Variants in FLNC observed in about 807,000 individuals in gnomAD.
The protein encoded by FLNC is filamin-C.
Under a neutral mutation model 254.3 loss-of-function variants are expected in FLNC, and 91 were observed. That is an observed-to-expected ratio of 0.36 (90% CI 0.30 to 0.43). FLNC has a LOEUF of 0.43. FLNC is among the 20% of genes least tolerant of loss of function. The pLI is 1.00. For missense variants in FLNC, 2,853 were observed against 3,802.6 expected, an observed-to-expected ratio of 0.75 and a Z score of 6.57; for synonymous variants, 1,430 against 1,577.2, an observed-to-expected ratio of 0.91 and a Z score of 2.21.
At chr7:128,852,103 A>G (rs1219143224) in intron 35 of FLNC, among the ~76,000 whole-genome samples, 1 of 152,074 alleles carries the variant, frequency 6.6e-6, no homozygotes, top group Non-Finnish European at 1.5e-5. Context: ...TGACCTTGTG[A>G]TCCACCTGCC....
chr7:128,850,397 C>G lies in FLNC; in HGVS notation c.5312C>G (p.Pro1771Arg), dbSNP rs1298100212. 1 of 1,613,850 alleles carries G rather than the reference C, an allele frequency of 6.2e-7. No individual in the cohort carries two copies. The highest frequency in any genetic ancestry group is 8.5e-7 in the Non-Finnish European group (1 of 1,179,910). ...ARPTHWATEE[P>R]VVPVEPMESM... ...CACCTGCTGCAGGCCACAGAGGAGC[C>G]AGTGGTGCCTGTGGAGCCAATGGAG... The change falls in exon 32 of 48, where the codon CCA becomes CGA. Residue 1771 changes from proline to arginine, a missense_variant. Coordinates refer to ENST00000325888, the MANE Select transcript of FLNC (RefSeq NM_001458.5).
Position 128,836,832 on chromosome 7 carries a change from T to C in FLNC, c.602-328T>C, listed in dbSNP as rs1808110024. 6.6e-6 allele frequency among the ~76,000 whole-genome samples: 1 copy of C among 151,996 alleles called. No individual in the cohort carries two copies. Among genetic ancestry groups the C allele is most frequent in the Non-Finnish European group, 1.5e-5 (1 of 67,970 alleles). ...TGAGAAAGCTGAATGAGGCAAGAGATAGCGAGAGGGGGTACCCTCCCAGGG... is the reference window on the plus strand; with the variant it reads ...TGAGAAAGCTGAATGAGGCAAGAGACAGCGAGAGGGGGTACCCTCCCAGGG... On this transcript the variant is annotated intron_variant, in intron 2 of 47. Transcript: ENST00000325888. The surrounding 1 kb of genome is among the most constrained non-coding windows in gnomAD (Gnocchi z 6.0).
chr7:128,853,410 A>G (rs957813292), intron 37 of FLNC, 59 bp from the exon 38 acceptor site: 2 of 1,604,144 alleles, frequency 1.2e-6, no homozygotes, highest in Non-Finnish European at 1.7e-6. Flanking sequence ...GGGGAGAGGA[A>G]AGCATTGTGG....
rs771896404 is a variant in FLNC, at chr7:128,835,621, CAG to C, written c.601+50_601+51del. Reference sequence around the variant, plus strand: ...GCATGGAGCCCTTAGCTCCCAAAGACAGAGGGGACAAGCTGGGGCTGCCAAGG... The same window carrying C: ...GCATGGAGCCCTTAGCTCCCAAAGACAGGGGACAAGCTGGGGCTGCCAAGG... On this transcript the variant is annotated intron_variant, in intron 2 of 47. Coordinates refer to ENST00000325888, the MANE Select transcript of FLNC (RefSeq NM_001458.5). The surrounding 1 kb of genome is among the most constrained non-coding windows in gnomAD (Gnocchi z 5.3). 7.5e-6 allele frequency: 12 copies of C among 1,599,752 alleles called. No individual in the cohort carries two copies. The highest frequency in any genetic ancestry group is 9.4e-6 in the Non-Finnish European group (11 of 1,172,082).
chr7:128,841,560 A>G lies in FLNC; in HGVS notation c.2114A>G (p.Tyr705Cys). 6.2e-7 allele frequency: 1 copy of G among 1,612,120 alleles called. No individual in the cohort carries two copies. Among genetic ancestry groups the G allele is most frequent in the Non-Finnish European group, 8.5e-7 (1 of 1,178,182 alleles). The stretch of plus-strand genomic sequence containing the variant: ...GCTGGCAAGGGAGACCTGAAGCTCT[A>G]TGCCCAGGTAGGTCATTGTCCAGTC... The part of the protein sequence containing the change: ...RAAGKGDLKL[Y>C]AQDADGCPID... The change falls in exon 13 of 48, where the codon TAT becomes TGT. Residue 705 changes from tyrosine (Y) to cysteine (C), a missense_variant. Coordinates refer to ENST00000325888, the MANE Select transcript of FLNC (RefSeq NM_001458.5). This position sits in a 1 kb window ranked among gnomAD's most constrained non-coding sequence, Gnocchi z 4.3.
intron 16 of FLNC, 77 bp from the exon 17 acceptor site, chr7:128,843,152 T>A: frequency 6.9e-7 from 1 of 1,448,668 alleles, no homozygotes; most frequent in Non-Finnish European, 9.5e-7. Flanking sequence ...CCCCTGGGTG[T>A]GTCCTGAGCC....
At chr7:128,831,263 G>A (rs1807880824) in intron 1 of FLNC, among the ~76,000 whole-genome samples, 1 of 152,160 alleles carries the variant, frequency 6.6e-6, no homozygotes, top group Non-Finnish European at 1.5e-5. Flanking sequence ...GCCTCCCCAT[G>A]CACATTCCCA....
Position 128,855,320 on chromosome 7 carries a change from T to C in FLNC, c.7251+6T>C. Reference sequence around the variant, plus strand: ...TCACTGTCACCAGCCTCCAGGTTTGTGCCCAGGGTGGGGGTGGAGGGTTTC... The same window carrying C: ...TCACTGTCACCAGCCTCCAGGTTTGCGCCCAGGGTGGGGGTGGAGGGTTTC... On this transcript the variant is annotated splice_donor_region_variant and intron_variant, in intron 43 of 47. Coordinates refer to ENST00000325888, the MANE Select transcript of FLNC (RefSeq NM_001458.5). 1 of 1,583,994 alleles carries C rather than the reference T, an allele frequency of 6.3e-7. No individual in the cohort carries two copies. Among genetic ancestry groups the C allele is most frequent in the Non-Finnish European group, 8.7e-7 (1 of 1,153,702 alleles).
At chr7:128,838,117 G>C (rs562382536) in intron 6 of FLNC, 53 bp downstream of exon 6, 1 of 1,543,582 alleles carries the variant, frequency 6.5e-7, no homozygotes, top group Non-Finnish European at 9.0e-7. Context: ...CCTTGGTTCC[G>C]GCTGCATGGA....
In FLNC at chr7:128,838,449, G is replaced by A. The variant is rs1234385779; in HGVS notation, c.1210+20G>A. ...CTGCGGGTAGGACGGGCCCCAGGGG[G>A]TGCAGGTGGAAAGCCCCTGACCATG... is the stretch of plus-strand genomic sequence containing the variant. On this transcript the variant is annotated intron_variant, in intron 7 of 47. Transcript: ENST00000325888. The A allele has an allele frequency of 3.1e-6, 5 of 1,612,940 alleles. No individual in the cohort carries two copies. The highest frequency in any genetic ancestry group is 4.2e-6 in the Non-Finnish European group (5 of 1,179,602).
rs1234654142 is a variant in FLNC, at chr7:128,854,227, C to T, written c.6727+11C>T. ...CCCGGCAGCAGGAGGGTGAGCACCG[C>T]ACACTGGGCCGGCCGGGTCCTCACG... On this transcript the variant is annotated intron_variant, in intron 40 of 47. Coordinates refer to ENST00000325888, the MANE Select transcript of FLNC (RefSeq NM_001458.5). 1.9e-6 allele frequency: 3 copies of T among 1,605,708 alleles called. No individual in the cohort carries two copies. Among genetic ancestry groups the T allele is most frequent in the East Asian group, 2.2e-5 (1 of 44,794 alleles).
Position 128,852,658 on chromosome 7 carries a change from C to G in FLNC, c.5910C>G (p.Thr1970=). 1 of 1,613,216 alleles carries G rather than the reference C, an allele frequency of 6.2e-7. No individual in the cohort carries two copies. The change falls in exon 36 of 48, where the codon ACC becomes ACG. Residue 1970 remains threonine, a synonymous_variant. Transcript: ENST00000325888. ...CCACGGACGTGTCACTGAAGATCAC[C>G]GAGAGTGATCTGAGCCAGCTGACCG... ...GTSTDVSLKI[T]ESDLSQLTAS...
At position 128,842,751 on chromosome 7, in the gene FLNC, C is replaced by CG. The variant is rs770333344; in HGVS notation, c.2390-38dup. 1 of 1,604,720 alleles carries CG rather than the reference C, an allele frequency of 6.2e-7. No individual in the cohort carries two copies. Among genetic ancestry groups the CG allele is most frequent in the Non-Finnish European group, 8.5e-7 (1 of 1,176,156 alleles). ...GGGAGGGGGCGGGGGTGAGTCGAGT[C>CG]GGGGGCTGAGCCCAACTCACAGCAG... On this transcript the variant is annotated intron_variant, in intron 15 of 47. Coordinates refer to ENST00000325888, the MANE Select transcript of FLNC (RefSeq NM_001458.5). The surrounding 1 kb of genome is among the most constrained non-coding windows in gnomAD (Gnocchi z 5.4).
rs373240622 is a variant in FLNC at position 128,856,556 on chromosome 7, C to T, written c.7290C>T (p.Ala2430=). ...GLKVNQPASF[A]VQLNGARGVI... ...AGGTGAACCAGCCAGCGTCCTTTGCCGTGCAGCTGAACGGTGCCCGGGGCG... is the reference window on the plus strand; with the variant it reads ...AGGTGAACCAGCCAGCGTCCTTTGCTGTGCAGCTGAACGGTGCCCGGGGCG... The change falls in exon 44 of 48, where the codon GCC becomes GCT. Residue 2430 remains alanine (A), a synonymous_variant. Transcript: ENST00000325888. The surrounding 1 kb of genome is among the most constrained non-coding windows in gnomAD (Gnocchi z 5.9). The T allele has an allele frequency of 2.7e-5, 43 of 1,612,872 alleles. 1 individual carries two copies. In the South Asian group the frequency reaches 4.1e-4, roughly 15 times the overall value.
intron 35 of FLNC, 138 bp from the exon 36 acceptor site, chr7:128,852,453 C>G: frequency 1.0e-6 from 1 of 967,122 alleles, no homozygotes; most frequent in Non-Finnish European, 1.6e-6. Flanking sequence ...CTTTCCAGGC[C>G]TTGGGCCTCC....
chr7:128,848,501 C>G (rs1808659744), intron 26 of FLNC, 60 bp from the exon 27 acceptor site: 11 of 1,570,114 alleles, frequency 7.0e-6, no homozygotes, highest in Non-Finnish European at 9.6e-6. Context: ...AAGATGAGAT[C>G]ACCCCCCACC....
At position 128,858,620 on chromosome 7, in the gene FLNC, G is replaced by T; in HGVS notation, c.*97G>T. 2 of 943,078 alleles carry T rather than the reference G, an allele frequency of 2.1e-6. No individual in the cohort carries two copies. Among genetic ancestry groups the T allele is most frequent in the Non-Finnish European group, 1.7e-6 (1 of 595,800 alleles). 58.4% of individuals were successfully genotyped at this position (943,078 alleles called of 1,614,324 possible). A position where few individuals can be genotyped will look rare whatever the true frequency, so the allele number is the denominator to read the frequency against. The stretch of plus-strand genomic sequence containing the variant: ...ACACAAATGTGCCACACCCAGACAC[G>T]CACAGAATCAGACACTACAAACACC... On this transcript the variant is annotated 3_prime_UTR_variant, in exon 48 of 48. Transcript: ENST00000325888. This position sits in a 1 kb window ranked among gnomAD's most constrained non-coding sequence, Gnocchi z 6.7.
At chr7:128,855,039 C>T in intron 42 of FLNC, 127 bp downstream of exon 42, 1 of 1,131,484 alleles carries the variant, frequency 8.8e-7, no homozygotes, top group African/African-American at 1.5e-5. Flanking sequence ...TGCTCTTCCT[C>T]TGCCCCGTCT....
chr7:128,839,240 GC>G (rs1482478298), intron 8 of FLNC, among the ~76,000 whole-genome samples: 2 of 152,134 alleles, frequency 1.3e-5, no homozygotes, highest in Admixed American at 1.3e-4. Flanking sequence ...GTGTGGAATC[GC>G]CCCCCCTTCC....
Sources: gnomAD v4.1 joint callset for allele counts (sites outside exome capture counted in the v4.1 genomes callset) on GRCh38, gnomAD v4.1.1 for gene constraint, Gnocchi (gnomAD v3.1) non-coding constraint, MANE v1.5 for transcripts, NCBI Gene and HGNC (gene_info 2026-07-23, HGNC 2026-07-21) for gene names.